The following PDE3A variants were observed in gnomAD, a reference collection of about 807,000 sequenced individuals.
PDE3A encodes phosphodiesterase 3A.
PDE3A carries 43 observed loss-of-function variants against 98.3 expected under a neutral mutation model. The observed-to-expected ratio is 0.44, with a 90% CI of 0.34 to 0.56. The LOEUF (loss-of-function observed/expected upper bound fraction) is 0.56, where lower values mean the gene tolerates loss of function less well. PDE3A is among the 20% of genes least tolerant of loss of function. The pLI is 0.01. For missense variants in PDE3A, 1,427 were observed against 1,440.7 expected, an observed-to-expected ratio of 0.99 and a Z score of 0.15; for synonymous variants, 663 against 567.9, an observed-to-expected ratio of 1.17 and a Z score of -2.38.
intron 1 of PDE3A, among the ~76,000 whole-genome samples, chr12:20,489,344 C>G (rs146008330): frequency 6.6e-6 from 1 of 152,320 alleles, no homozygotes; most frequent in African/African-American, 2.4e-5. Context: ...GCCAGTAAGC[C>G]TGTCAGGCAG....
chr12:20,531,944 G>GT (rs11350207), intron 1 of PDE3A, among the ~76,000 whole-genome samples: 26 of 149,404 alleles, frequency 1.7e-4, no homozygotes, highest in African/African-American at 4.2e-4. Context: ...TGAAATAAAA[G>GT]TTTTTTTTTT....
intron 15 of PDE3A, among the ~76,000 whole-genome samples, chr12:20,656,461 A>G (rs1945046836): frequency 6.6e-6 from 1 of 152,226 alleles, no homozygotes; most frequent in Admixed American, 6.5e-5. Context: ...GGGGAAAATT[A>G]AAGTTGTTTT....
At chr12:20,558,416 A>G (rs1401807365) in intron 2 of PDE3A, among the ~76,000 whole-genome samples, 1 of 152,062 alleles carries the variant, frequency 6.6e-6, no homozygotes, top group Non-Finnish European at 1.5e-5. Flanking sequence ...GGCTTGCATG[A>G]ATTACCATTA....
At chr12:20,668,343 C>T (rs1265690012) in intron 15 of PDE3A, among the ~76,000 whole-genome samples, 1 of 152,146 alleles carries the variant, frequency 6.6e-6, no homozygotes, top group Non-Finnish European at 1.5e-5. Flanking sequence ...GGGTGGAGCC[C>T]ACCACAGCTC....
At chr12:20,666,507 C>A (rs939575203) in intron 15 of PDE3A, among the ~76,000 whole-genome samples, 2 of 150,720 alleles carry the variant, frequency 1.3e-5, no homozygotes, top group East Asian at 4.0e-4. Flanking sequence ...TTCTAGCTCC[C>A]ACATAAGAGT....
chr12:20,653,919 G>A (rs762856308), intron 14 of PDE3A, 28 bp from the exon 15 acceptor site: 1 of 1,605,226 alleles, frequency 6.2e-7, no homozygotes. Flanking sequence ...CCAGGTGAAT[G>A]TTGACTTCAC....
chr12:20,379,876 A>G lies in PDE3A; in HGVS notation c.960+9632A>G, dbSNP rs536337313. 1.3e-4 allele frequency among the ~76,000 whole-genome samples: 19 copies of G among 151,920 alleles called. No individual in the cohort carries two copies. The South Asian group carries it at 2.3e-3, about 18-fold the overall frequency. ...ACTGGTAGGAAATCCCATGTTCAGC[A>G]TGAGTCCTAGATAATTATTTTTAGC... On this transcript the variant is annotated intron_variant, in intron 1 of 15. Transcript: ENST00000359062.
Position 20,683,241 on chromosome 12 carries a change from C to G in PDE3A, c.*2970C>G, listed in dbSNP as rs1378947740. 2.0e-5 allele frequency: 3 copies of G among 152,116 alleles called. No homozygotes were observed. The highest frequency in any genetic ancestry group is 2.9e-5 in the Non-Finnish European group (2 of 68,024). 9.4% of individuals were successfully genotyped at this position (152,116 alleles called of 1,614,324 possible). On this transcript the variant is annotated 3_prime_UTR_variant, in exon 16 of 16. Transcript: ENST00000359062. ...ATTTTCTGCCAGTAGAGTTCTCCCC[C>G]TTTTTGGTGACAGCAATATTATTAT...
Position 20,552,729 on chromosome 12 carries a change from A to T in PDE3A, c.961-3931A>T. The T allele has an allele frequency of 6.2e-7, 1 of 1,614,040 alleles. No homozygotes were observed. Among genetic ancestry groups the T allele is most frequent in the East Asian group, 2.2e-5 (1 of 44,868 alleles). Reference sequence around the variant, plus strand: ...AGCTGTGGAATGAGGTCCTGGCGTCACTCAAGGACCGGCCGGCGAGCGGCA... The same window carrying T: ...AGCTGTGGAATGAGGTCCTGGCGTCTCTCAAGGACCGGCCGGCGAGCGGCA... On this transcript the variant is annotated intron_variant, in intron 1 of 15. Transcript: ENST00000359062. The surrounding 1 kb of genome is among the most constrained non-coding windows in gnomAD (Gnocchi z 5.1).
At chr12:20,655,780 C>T (rs1182864122) in intron 15 of PDE3A, among the ~76,000 whole-genome samples, 1 of 152,104 alleles carries the variant, frequency 6.6e-6, no homozygotes, top group Non-Finnish European at 1.5e-5. Context: ...GCTTCAGCTG[C>T]TCTATTGAGA....
chr12:20,644,811 GCCTCCTCCTCCTCCTCCTTCCCCTCCT>G (rs1565460777), intron 10 of PDE3A, among the ~76,000 whole-genome samples: 2 of 149,010 alleles, frequency 1.3e-5, no homozygotes, highest in African/African-American at 2.5e-5. Flanking sequence ...TAGGATTTGA[GCCTCCTCCTCCTCCTCCTTCCCCTCCT>G]CCTCCTCCTC....
intron 1 of PDE3A, among the ~76,000 whole-genome samples, chr12:20,383,051 T>G (rs1943689828): frequency 6.6e-6 from 1 of 151,870 alleles, no homozygotes; most frequent in Non-Finnish European, 1.5e-5. Flanking sequence ...AGGAGAGAGA[T>G]CTGATAGGGA....
intron 2 of PDE3A, among the ~76,000 whole-genome samples, chr12:20,564,411 T>A (rs1240715846): frequency 1.3e-5 from 2 of 152,172 alleles, no homozygotes; most frequent in African/African-American, 4.8e-5. Flanking sequence ...ATTTATGCTT[T>A]CAGGTTTTCA....
At chr12:20,458,072 A>G (rs558449764) in intron 1 of PDE3A, among the ~76,000 whole-genome samples, 5 of 152,226 alleles carry the variant, frequency 3.3e-5, no homozygotes, top group African/African-American at 1.2e-4. Context: ...ATCATTTTAT[A>G]TACTAGTGAA....
chr12:20,457,331 C>T (rs1276522598), intron 1 of PDE3A, among the ~76,000 whole-genome samples: 2 of 150,162 alleles, frequency 1.3e-5, no homozygotes, highest in Non-Finnish European at 3.0e-5. Context: ...TATACTGAGA[C>T]CTTAAATTTA....
intron 1 of PDE3A, among the ~76,000 whole-genome samples, chr12:20,451,679 C>A (rs1011052528): frequency 6.6e-6 from 1 of 152,134 alleles, no homozygotes; most frequent in Non-Finnish European, 1.5e-5. Context: ...AGAAGAATCC[C>A]AAAGCAAAAG....
chr12:20,553,163 T>A (rs1942264815), intron 1 of PDE3A, among the ~76,000 whole-genome samples: 1 of 151,568 alleles, frequency 6.6e-6, no homozygotes, highest in Non-Finnish European at 1.5e-5. Flanking sequence ...TTTTTTATTT[T>A]TATTTTTCAA....
At chr12:20,425,966 A>C (rs375977245) in intron 1 of PDE3A, among the ~76,000 whole-genome samples, 1 of 152,214 alleles carries the variant, frequency 6.6e-6, no homozygotes, top group Non-Finnish European at 1.5e-5. Context: ...ATTTCATAGA[A>C]TTGTTATACA....
At chr12:20,521,707 C>G (rs964823280) in intron 1 of PDE3A, among the ~76,000 whole-genome samples, 1 of 151,976 alleles carries the variant, frequency 6.6e-6, no homozygotes, top group African/African-American at 2.4e-5. Context: ...TCTGTTGTGC[C>G]GAACCCTCAT....
Sources: gnomAD v4.1 joint callset for allele counts (sites outside exome capture counted in the v4.1 genomes callset) on GRCh38, gnomAD v4.1.1 for gene constraint, Gnocchi (gnomAD v3.1) non-coding constraint, MANE v1.5 for transcripts, NCBI Gene and HGNC (gene_info 2026-07-23, HGNC 2026-07-21) for gene names.